CD151: variants seen among roughly 807,000 people sequenced by gnomAD.
CD151 encodes CD151 antigen.
In CD151, 20 loss-of-function variants were observed where a neutral mutation model predicts 34.2. The ratio of observed to expected loss-of-function variants is 0.58; its 90% CI spans 0.41 to 0.85. The LOEUF (loss-of-function observed/expected upper bound fraction) is 0.85, where lower values mean the gene tolerates loss of function less well. Ranked by LOEUF, CD151 falls within the 40% of genes least tolerant of loss-of-function variation. CD151 has a pLI of 0.00. For synonymous variants in CD151, 157 were observed against 131.7 expected (o/e 1.19, Z -1.32); for missense variants, 306 against 324.5 (o/e 0.94, Z 0.44).
rs191940047 is a variant in CD151 at position 835,340 on chromosome 11, C to T, written c.-7-723C>T. The T allele has an allele frequency of 1.4e-3, 217 of 152,228 alleles. 2 individuals are homozygous for T. Among genetic ancestry groups the T allele is most frequent in the Admixed American group, 5.3e-3 (81 of 15,284 alleles). The allele number at this position is 152,228 out of a possible 1,614,324, so 9.4% of individuals were successfully genotyped here. On this transcript the variant is annotated intron_variant, in intron 2 of 8. Transcript: ENST00000397420. ...GCTGGCTTGGGTATCTGTGTCCCCTCTTTTTTTTCTTTTTTATTGAGATGG... is the reference window on the plus strand; with the variant it reads ...GCTGGCTTGGGTATCTGTGTCCCCTTTTTTTTTTCTTTTTTATTGAGATGG...
intron 1 of CD151, 65 bp from the exon 2 acceptor site, chr11:834,465 C>A (rs958119035): frequency 3.3e-5 from 5 of 152,434 alleles, no homozygotes; most frequent in Non-Finnish European, 7.3e-5. Flanking sequence ...CAGAATGAAC[C>A]CGGCCCACTC....
Position 836,315 on chromosome 11 carries a change from G to C in CD151, c.149G>C (p.Ser50Thr), listed in dbSNP as rs376496318. The change falls in exon 4 of 9, where the codon AGC becomes ACC. Residue 50 changes from serine (S) to threonine (T), a missense_variant. By Grantham distance (58) the Ser-to-Thr change is moderately conservative. Transcript: ENST00000397420. The part of the protein sequence containing the change: ...WTLALKSDYI[S>T]LLASGTYLAT... ...CTGGCCCTCAAGAGTGACTACATCA[G>C]CCTGCTGGCCTCAGGCACCTACCTG... 4 of 1,612,654 alleles carry C rather than the reference G, an allele frequency of 2.5e-6. No individual in the cohort carries two copies. The highest frequency in any genetic ancestry group is 3.4e-6 in the Non-Finnish European group (4 of 1,179,958).
At position 836,053 on chromosome 11, in the gene CD151, G is replaced by A. The variant is rs747464751; in HGVS notation, c.-7-10G>A. ...CTGTGGCCCCGCTGACCCCTCCCCTGCCTCCTCAGCCCCAGGATGGGTGAG... is the reference window on the plus strand; with the variant it reads ...CTGTGGCCCCGCTGACCCCTCCCCTACCTCCTCAGCCCCAGGATGGGTGAG... On this transcript the variant is annotated splice_polypyrimidine_tract_variant and intron_variant, in intron 2 of 8. Transcript: ENST00000397420. The A allele has an allele frequency of 3.8e-6, 6 of 1,582,668 alleles. No individual in the cohort carries two copies. Among genetic ancestry groups the A allele is most frequent in the Admixed American group, 1.7e-5 (1 of 59,860 alleles).
At chr11:835,723 T>C (rs2133958248) in intron 2 of CD151, 1 of 222,294 alleles carries the variant, frequency 4.5e-6, no homozygotes, top group Non-Finnish European at 9.0e-6. Context: ...AGTCTCACTC[T>C]GTCGCCCAGG....
Position 836,858 on chromosome 11 carries a change from C to T in CD151, c.351+15C>T. On this transcript the variant is annotated intron_variant, in intron 5 of 8. Transcript: ENST00000397420. ...ACTACCAGCAGGTGAGGGGCCTGGG[C>T]AGGCCATTCAGAGACACAGACATGC... is the stretch of plus-strand genomic sequence containing the variant. 1 of 1,610,458 alleles carries T rather than the reference C, an allele frequency of 6.2e-7. No individual in the cohort carries two copies. Among genetic ancestry groups the T allele is most frequent in the Non-Finnish European group, 8.5e-7 (1 of 1,177,916 alleles).
rs1248528638 is a variant in CD151, at chr11:836,840, G to A, written c.348G>A (p.Gln116=). ...GTATCCTCGCCTACGCCTACTACCA[G>A]CAGGTGAGGGGCCTGGGCAGGCCAT... The part of the protein sequence containing the change: ...IAGILAYAYY[Q]QLNTELKENL... The change falls in exon 5 of 9, where the codon CAG becomes CAA. Residue 116 remains glutamine (Q), a synonymous_variant. Coordinates refer to ENST00000397420, the MANE Select transcript of CD151 (RefSeq NM_004357.5). 1 of 1,612,602 alleles carries A rather than the reference G, an allele frequency of 6.2e-7. No individual in the cohort carries two copies. The highest frequency in any genetic ancestry group is 1.7e-5 in the Admixed American group (1 of 60,006).
At chr11:836,630 A>C (rs1846782461) in intron 4 of CD151, 139 bp from the exon 5 acceptor site, 2 of 899,200 alleles carry the variant, frequency 2.2e-6, no homozygotes, top group Admixed American at 2.2e-5. Context: ...CCAGCTCCGC[A>C]AGAAAGCTTC....
chr11:836,106 A>C lies in CD151; in HGVS notation c.37A>C (p.Thr13Pro), dbSNP rs1846754276. ...CAACGAGAAGAAGACAACATGTGGC[A>C]CCGTTTGCCTCAAGTACCTGCTGTT... is the stretch of plus-strand genomic sequence containing the variant. ...EFNEKKTTCG[T>P]VCLKYLLFTY... The change falls in exon 3 of 9, where the codon ACC becomes CCC. Residue 13 changes from threonine (T) to proline (P), a missense_variant. Transcript: ENST00000397420. The C allele has an allele frequency of 1.2e-6, 2 of 1,612,958 alleles. No homozygotes were observed. Among genetic ancestry groups the C allele is most frequent in the Non-Finnish European group, 1.7e-6 (2 of 1,179,890 alleles).
chr11:837,755 C>A, intron 7 of CD151, 137 bp downstream of exon 7: 1 of 944,114 alleles, frequency 1.1e-6, no homozygotes, highest in Non-Finnish European at 1.6e-6. Flanking sequence ...CGGATGTGGG[C>A]AGTGAGACCA....
Position 838,024 on chromosome 11 carries a change from T to C in CD151, c.698T>C (p.Val233Ala). 6.2e-7 allele frequency: 1 copy of C among 1,613,292 alleles called. No homozygotes were observed. Residue 233 changes from valine to alanine, a missense_variant, in exon 8 of 9, where the codon GTG (valine) becomes GCG (alanine). Physicochemically the swap from Val to Ala is moderately conservative, Grantham distance 64 (BLOSUM62 0). Coordinates refer to ENST00000397420, the MANE Select transcript of CD151 (RefSeq NM_004357.5). ...IGAVGIGIAC[V>A]QVFGMIFTCC... ...GCTGTGGGGATCGGCATTGCCTGTG[T>C]GCAGGTGAGGGCACATGGGGGTGGC...
chr11:837,200 C>T lies in CD151; in HGVS notation c.352-50C>T, dbSNP rs1423801401. 12 of 1,493,230 alleles carry T rather than the reference C, an allele frequency of 8.0e-6. No homozygotes were observed. In the South Asian group the frequency reaches 1.2e-4, roughly 15 times the overall value. The allele number at this position is 1,493,230 out of a possible 1,614,324, so 92.5% of individuals were successfully genotyped here. ...CCATCCTGGGGCTCTGCCAGCCCCACCTTGGAAGGTCTTAGACTGAGGCTG... is the reference window on the plus strand; with the variant it reads ...CCATCCTGGGGCTCTGCCAGCCCCATCTTGGAAGGTCTTAGACTGAGGCTG... On this transcript the variant is annotated intron_variant, in intron 5 of 8. Transcript: ENST00000397420.
At chr11:837,802 C>A (rs113704066) in intron 7 of CD151, 140 bp from the exon 8 acceptor site, 442 of 850,100 alleles carry the variant, frequency 5.2e-4, no homozygotes, top group Non-Finnish European at 7.1e-4. Flanking sequence ...GTGGGCAGCC[C>A]AGTGGCTGGC....
chr11:836,806 T>G lies in CD151; in HGVS notation c.314T>G (p.Ile105Ser). Reference protein sequence around the residue: ...ILLLIIFLLEIIAGILAYAYY... With the variant: ...ILLLIIFLLESIAGILAYAYY... Reference sequence around the variant, plus strand: ...CTCCTCATCATCTTTCTGCTGGAGATCATCGCTGGTATCCTCGCCTACGCC... The same window carrying G: ...CTCCTCATCATCTTTCTGCTGGAGAGCATCGCTGGTATCCTCGCCTACGCC... The change falls in exon 5 of 9, where the codon ATC (isoleucine) becomes AGC (serine). Residue 105 changes from isoleucine (I) to serine (S), a missense_variant. Transcript: ENST00000397420. 2 of 1,612,728 alleles carry G rather than the reference T, an allele frequency of 1.2e-6. No homozygotes were observed. The highest frequency in any genetic ancestry group is 2.7e-5 in the African/African-American group (2 of 75,004).
chr11:837,720 G>A, intron 7 of CD151, 102 bp downstream of exon 7: 2 of 1,235,120 alleles, frequency 1.6e-6, no homozygotes, highest in Non-Finnish European at 2.3e-6. Flanking sequence ...ATATCTACCA[G>A]GAGGTGGGGG....
Position 838,321 on chromosome 11 carries a change from G to C in CD151, c.*129G>C. 1 of 763,362 alleles carries C rather than the reference G, an allele frequency of 1.3e-6. No homozygotes were observed. The highest frequency in any genetic ancestry group is 2.2e-6 in the Non-Finnish European group (1 of 450,102). 47.3% of individuals were successfully genotyped at this position (763,362 alleles called of 1,614,324 possible). On this transcript the variant is annotated 3_prime_UTR_variant, in exon 9 of 9. Coordinates refer to ENST00000397420, the MANE Select transcript of CD151 (RefSeq NM_004357.5). ...AACCTCTGGGGACCCCAACCTCAGA[G>C]GCAGCTTCAAGTGCCTTTTGCTGCG...
In CD151 at chr11:837,728, G is replaced by A. The variant is rs934524227; in HGVS notation, c.615+110G>A. ...GCCTCCAATATCTACCAGGAGGTGG[G>A]GGGTCACCCCAGTGGCCGGATGTGG... On this transcript the variant is annotated intron_variant, in intron 7 of 8. Transcript: ENST00000397420. 59 of 1,203,586 alleles carry A rather than the reference G, an allele frequency of 4.9e-5. 1 individual carries two copies. In the East Asian group the frequency reaches 4.9e-4, roughly 10 times the overall value. The allele number at this position is 1,203,586 out of a possible 1,614,324, so 74.6% of individuals were successfully genotyped here.
rs1437781813 is a variant in CD151 at position 836,121 on chromosome 11, T to C, written c.52T>C (p.Tyr18His). 1 of 1,612,946 alleles carries C rather than the reference T, an allele frequency of 6.2e-7. No individual in the cohort carries two copies. The highest frequency in any genetic ancestry group is 2.2e-5 in the East Asian group (1 of 44,886). ...AACATGTGGCACCGTTTGCCTCAAG[T>C]ACCTGCTGTTTACCTACAATTGCTG... ...KTTCGTVCLKYLLFTYNCCFW... is the reference protein window; with the variant it reads ...KTTCGTVCLKHLLFTYNCCFW... Residue 18 changes from tyrosine to histidine, a missense_variant, in exon 3 of 9, where the codon TAC (tyrosine) becomes CAC (histidine). Transcript: ENST00000397420.
At chr11:836,951 G>C in intron 5 of CD151, 108 bp downstream of exon 5, 1 of 977,478 alleles carries the variant, frequency 1.0e-6, no homozygotes, top group Non-Finnish European at 1.6e-6. Flanking sequence ...CATGGTCCCA[G>C]AGCTAACCAA....
chr11:838,209 G>C lies in CD151; in HGVS notation c.*17G>C, dbSNP rs563132103. On this transcript the variant is annotated 3_prime_UTR_variant, in exon 9 of 9. Coordinates refer to ENST00000397420, the MANE Select transcript of CD151 (RefSeq NM_004357.5). The stretch of plus-strand genomic sequence containing the variant: ...CACTACTGACCCTGCCTTGGGCCTT[G>C]CTGCTGCTGCACCCAACTACTGAGC... The C allele has an allele frequency of 3.6e-5, 58 of 1,605,756 alleles. No homozygotes were observed. Among genetic ancestry groups the C allele is most frequent in the Admixed American group, 6.7e-5 (4 of 59,988 alleles).
Sources: gnomAD v4.1 joint callset for allele counts on GRCh38, gnomAD v4.1.1 for gene constraint, MANE v1.5 for transcripts, NCBI Gene and HGNC (gene_info 2026-07-23, HGNC 2026-07-21) for gene names.